The following GPR143 variants were observed in gnomAD, a reference collection of about 807,000 sequenced individuals.
The protein encoded by GPR143 is G-protein coupled receptor 143.
A neutral mutation model predicts 27.6 loss-of-function variants in GPR143; 8 were observed. That is an observed-to-expected ratio of 0.29 (90% confidence interval 0.17 to 0.52). The LOEUF (loss-of-function observed/expected upper bound fraction) is 0.52, where lower values mean the gene tolerates loss of function less well. Ranked by LOEUF, GPR143 falls within the 20% of genes least tolerant of loss-of-function variation. The probability of loss-of-function intolerance (pLI) is 0.96; values close to 1 mark genes in which losing one functional copy is unlikely to be tolerated. For missense variants in GPR143, 303 were observed against 343.1 expected (o/e 0.88, Z 0.92); for synonymous variants, 156 against 153.2 (o/e 1.02, Z -0.13).
Position 9,759,343 on chromosome X carries a change from C to A in GPR143, c.444G>T (p.Ser148=), listed in dbSNP as rs186055724. Residue 148 remains serine, a synonymous_variant, in exon 3 of 9, where the codon TCG becomes TCT. Transcript: ENST00000467482. ...TCCTCGGTGAATACCTCAGTCCTGC[C>A]GATCTCCGGATCACCAGATAAGCAT... The part of the protein sequence containing the change: ...AVDAYLVIRR[S]AGLSTILLYH... The A allele has an allele frequency of 2.6e-6, 3 of 1,173,791 alleles. No homozygotes were observed. Among genetic ancestry groups the A allele is most frequent in the East Asian group, 3.0e-5 (1 of 33,220 alleles).
chrX:9,768,681 T>A (rs756435763), upstream of GPR143, among the ~76,000 whole-genome samples: 2 of 110,201 alleles, frequency 1.8e-5, no homozygotes, highest in Admixed American at 1.9e-4. Context: ...CAAACTTTTT[T>A]TTTTTTTTTC....
At chrX:9,751,459 CA>C (rs2083451041) in intron 3 of GPR143, among the ~76,000 whole-genome samples, 1 of 112,594 alleles carries the variant, frequency 8.9e-6, no homozygotes, top group Non-Finnish European at 1.9e-5. Context: ...AAACACTTCC[CA>C]CACCCTTAAC....
intron 1 of GPR143, among the ~76,000 whole-genome samples, chrX:9,764,115 G>A (rs1488350320): frequency 9.0e-6 from 1 of 111,081 alleles, no homozygotes; most frequent in Non-Finnish European, 1.9e-5. Context: ...GACCAGCCTG[G>A]GCAACATAGT....
At chrX:9,734,565 C>T (rs1191256032) in intron 8 of GPR143, among the ~76,000 whole-genome samples, 7 of 112,056 alleles carry the variant, frequency 6.2e-5, no homozygotes, top group African/African-American at 2.3e-4. Context: ...ATCCTAACCA[C>T]GACCCCTCCA....
At chrX:9,770,594 G>A (rs1156464826), upstream of GPR143, among the ~76,000 whole-genome samples, 1 of 110,863 alleles carries the variant, frequency 9.0e-6, no homozygotes, top group Non-Finnish European at 1.9e-5. Context: ...ACTGGCAGAT[G>A]TATTGCTCAC....
intron 3 of GPR143, among the ~76,000 whole-genome samples, chrX:9,755,776 C>T (rs934598290): frequency 2.7e-5 from 3 of 111,927 alleles, no homozygotes; most frequent in Admixed American, 9.6e-5. Context: ...TCCTGGATTG[C>T]CTACCTCTGG....
At chrX:9,737,159 C>A (rs2083382885) in intron 8 of GPR143, among the ~76,000 whole-genome samples, 2 of 111,438 alleles carry the variant, frequency 1.8e-5, no homozygotes, top group Admixed American at 9.5e-5. Context: ...AACACACACA[C>A]AAAACCAAAG....
chrX:9,750,737 A>G (rs1247462151), intron 3 of GPR143, among the ~76,000 whole-genome samples: 3 of 109,523 alleles, frequency 2.7e-5, no homozygotes, highest in African/African-American at 3.3e-5. Flanking sequence ...TAATTTTTGT[A>G]TTTTTAGTAG....
At chrX:9,726,649 G>A (rs965753470) in intron 8 of GPR143, among the ~76,000 whole-genome samples, 1 of 112,163 alleles carries the variant, frequency 8.9e-6, no homozygotes, top group Admixed American at 9.4e-5. Context: ...ATGGCAGTTT[G>A]CTTCCGTGCC....
intron 7 of GPR143, chrX:9,740,920 G>A (rs1340525026): frequency 6.8e-6 from 2 of 294,756 alleles, no homozygotes; most frequent in Non-Finnish European, 1.2e-5. Context: ...TTGATACACT[G>A]CACCAAACTG....
At chrX:9,755,521 C>T (rs969769528) in intron 3 of GPR143, among the ~76,000 whole-genome samples, 3 of 109,904 alleles carry the variant, frequency 2.7e-5, no homozygotes, top group Non-Finnish European at 3.8e-5. Context: ...AACTTCTGAC[C>T]GATAATATGT....
chrX:9,765,752 C>T lies in GPR143; in HGVS notation c.66G>A (p.Leu22=). 1.8e-6 allele frequency: 2 copies of T among 1,125,395 alleles called. No homozygotes were observed. Among genetic ancestry groups the T allele is most frequent in the African/African-American group, 1.9e-5 (1 of 53,353 alleles). The allele number at this position is 1,125,395 out of a possible 1,213,427, so 92.7% of individuals were successfully genotyped here. A position where few individuals can be genotyped will look rare whatever the true frequency, so the allele number is the denominator to read the frequency against. The part of the protein sequence containing the change: ...PTRDAATQLV[L]SFQPRAFHAL... The stretch of plus-strand genomic sequence containing the variant: ...CGTGGAAGGCCCGCGGCTGGAAGCT[C>T]AGCACGAGCTGCGTGGCTGCGTCCC... Residue 22 remains leucine, a synonymous_variant, in exon 1 of 9, where the codon CTG becomes CTA. Coordinates refer to ENST00000467482, the MANE Select transcript of GPR143 (RefSeq NM_000273.3).
upstream of GPR143, chrX:9,765,882 T>C: frequency 2.0e-6 from 2 of 982,273 alleles, no homozygotes; most frequent in Non-Finnish European, 2.6e-6. Flanking sequence ...GGTCATGTGC[T>C]GGGCGGGCTG....
chrX:9,745,553 A>G (rs2083424806), intron 5 of GPR143, among the ~76,000 whole-genome samples: 1 of 111,851 alleles, frequency 8.9e-6, no homozygotes, highest in Non-Finnish European at 1.9e-5. Context: ...ACATGTTGCC[A>G]ACGACTTCAT....
At chrX:9,775,459 G>A (rs894576595) in intron 1 of GPR143, among the ~76,000 whole-genome samples, 2 of 111,826 alleles carry the variant, frequency 1.8e-5, no homozygotes, top group Admixed American at 1.9e-4. Context: ...TCCATGGGCT[G>A]GGAACATCAG....
At chrX:9,761,827 G>A (rs1388909688) in intron 1 of GPR143, among the ~76,000 whole-genome samples, 4 of 112,859 alleles carry the variant, frequency 3.5e-5, no homozygotes, top group East Asian at 2.8e-4. Flanking sequence ...GTCTGAGCGC[G>A]GTGCTCACGC....
At chrX:9,767,173 ATTTT>A (rs112413683), upstream of GPR143, among the ~76,000 whole-genome samples, 4 of 105,863 alleles carry the variant, frequency 3.8e-5, no homozygotes, top group South Asian at 4.0e-4. Context: ...GCATACTAAG[ATTTT>A]TTTTTTTAAG....
intron 1 of GPR143, among the ~76,000 whole-genome samples, chrX:9,771,842 C>G (rs191679123): frequency 5.5e-4 from 59 of 108,140 alleles, no homozygotes; most frequent in African/African-American, 2.0e-3. Flanking sequence ...TCTTGAGTAG[C>G]TGGGATTACA....
At chrX:9,762,648 C>T (rs995232998) in intron 1 of GPR143, among the ~76,000 whole-genome samples, 2 of 111,725 alleles carry the variant, frequency 1.8e-5, no homozygotes, top group African/African-American at 6.5e-5. Flanking sequence ...CACTACTAAA[C>T]GACAACTGTG....
Sources: allele counts gnomAD v4.1 joint callset (sites outside exome capture counted in the v4.1 genomes callset), GRCh38; gene constraint gnomAD v4.1.1; transcripts MANE v1.5; gene names NCBI Gene and HGNC (gene_info 2026-07-23, HGNC 2026-07-21).